The following CENPW variants were observed in gnomAD, a reference collection of about 807,000 sequenced individuals.
CENPW encodes the protein centromere protein W.
CENPW carries 3 observed loss-of-function variants against 11.1 expected under a neutral mutation model. The ratio of observed to expected loss-of-function variants is 0.27; its 90% CI spans 0.12 to 0.70. The LOEUF (loss-of-function observed/expected upper bound fraction) is 0.70. CENPW is among the 30% of genes least tolerant of loss of function. The probability of loss-of-function intolerance (pLI) is 0.77; values close to 1 mark genes in which losing one functional copy is unlikely to be tolerated. For missense variants in CENPW, 100 were observed against 105.6 expected (o/e 0.95, Z 0.23); for synonymous variants, 38 against 42.0 (o/e 0.91, Z 0.37).
chr6:126,411,865 T>C, the CENPW span, among the ~76,000 whole-genome samples: 2 of 151,928 alleles, frequency 1.3e-5, no homozygotes, highest in Non-Finnish European at 2.9e-5. Flanking sequence ...CCTTCCTTCC[T>C]TTTTTCCTTC....
the CENPW span, among the ~76,000 whole-genome samples, chr6:126,378,954 AG>A: frequency 6.6e-6 from 1 of 152,256 alleles, no homozygotes; most frequent in East Asian, 1.9e-4. Context: ...TATTGCATAT[AG>A]GAAAAATATT....
At chr6:126,427,483 TG>T in the CENPW span, among the ~76,000 whole-genome samples, 5 of 152,288 alleles carry the variant, frequency 3.3e-5, no homozygotes, top group Admixed American at 1.3e-4. Flanking sequence ...CAGTTTACTG[TG>T]TATTAAAAGC....
At chr6:126,387,787 C>T in the CENPW span, among the ~76,000 whole-genome samples, 3 of 151,890 alleles carry the variant, frequency 2.0e-5, no homozygotes, top group South Asian at 6.2e-4. Context: ...TAGACTTGAT[C>T]AAGAATGATA....
chr6:126,436,707 T>A, the CENPW span, among the ~76,000 whole-genome samples: 2 of 151,896 alleles, frequency 1.3e-5, no homozygotes, highest in Non-Finnish European at 2.9e-5. Context: ...TTTTTAATAA[T>A]ATCTAATCAT....
the CENPW span, among the ~76,000 whole-genome samples, chr6:126,417,127 G>T: frequency 6.6e-6 from 1 of 152,192 alleles, no homozygotes; most frequent in South Asian, 2.1e-4. Flanking sequence ...TGACCTGGAT[G>T]TGAGTCATGA....
At chr6:126,384,360 G>T in the CENPW span, among the ~76,000 whole-genome samples, 1 of 151,936 alleles carries the variant, frequency 6.6e-6, no homozygotes, top group South Asian at 2.1e-4. Context: ...GAGGCACCAT[G>T]ATCCCCAATC....
chr6:126,365,451 C>G, the CENPW span, among the ~76,000 whole-genome samples: 1 of 151,980 alleles, frequency 6.6e-6, no homozygotes, highest in Non-Finnish European at 1.5e-5. Flanking sequence ...TCTTATATGA[C>G]CAGTGGGAAG....
At chr6:126,403,122 G>A in the CENPW span, among the ~76,000 whole-genome samples, 1 of 151,980 alleles carries the variant, frequency 6.6e-6, no homozygotes, top group Non-Finnish European at 1.5e-5. Context: ...TAATAAATAC[G>A]TTTTGACTGC....
the CENPW span, among the ~76,000 whole-genome samples, chr6:126,428,611 A>G: frequency 3.9e-5 from 6 of 152,324 alleles, no homozygotes; most frequent in Admixed American, 2.0e-4. Flanking sequence ...GATTGAGAAA[A>G]TGAAGGAAGA....
chr6:126,471,381 TC>T, the CENPW span, among the ~76,000 whole-genome samples: 1,090 of 152,242 alleles, frequency 7.2e-3, 10 homozygotes, highest in African/African-American at 0.025. Flanking sequence ...TCTTGAAGCC[TC>T]CCCAGCCATG....
the CENPW span, among the ~76,000 whole-genome samples, chr6:126,416,941 C>A: frequency 6.6e-6 from 1 of 152,154 alleles, no homozygotes; most frequent in East Asian, 1.9e-4. Flanking sequence ...GAGAAGAAGA[C>A]CACCATCTTC....
the CENPW span, among the ~76,000 whole-genome samples, chr6:126,366,507 A>G: frequency 1.3e-5 from 2 of 152,242 alleles, no homozygotes; most frequent in Non-Finnish European, 2.9e-5. Context: ...TGGACTAAGT[A>G]TTAATGAACC....
the CENPW span, among the ~76,000 whole-genome samples, chr6:126,392,603 A>G: frequency 6.6e-6 from 1 of 151,888 alleles, no homozygotes; most frequent in African/African-American, 2.4e-5. Context: ...ATGATGTATC[A>G]CATTGATTTG....
At chr6:126,407,144 T>G in the CENPW span, among the ~76,000 whole-genome samples, 1 of 152,162 alleles carries the variant, frequency 6.6e-6, no homozygotes, top group Non-Finnish European at 1.5e-5. Flanking sequence ...CTGTGTTTTC[T>G]CATTGGTCAT....
rs1234914536 is a variant in CENPW at position 126,346,250 on chromosome 6, T to G, written c.172T>G (p.Ser58Ala). Residue 58 changes from serine (S) to alanine (A), a missense_variant, in exon 2 of 3, where the codon TCC becomes GCC. Transcript: ENST00000368328. The part of the protein sequence containing the change: ...LLFVHRLAEE[S>A]RTNACASKCR... Reference sequence around the variant, plus strand: ...GTTTGTTCATCGATTAGCAGAAGAGTCCAGGACAAACGCTTGTGCGAGTAA... The same window carrying G: ...GTTTGTTCATCGATTAGCAGAAGAGGCCAGGACAAACGCTTGTGCGAGTAA... 1 of 1,608,666 alleles carries G rather than the reference T, an allele frequency of 6.2e-7. No homozygotes were observed. The highest frequency in any genetic ancestry group is 1.7e-5 in the Admixed American group (1 of 59,888).
chr6:126,423,659 G>A, the CENPW span, among the ~76,000 whole-genome samples: 4 of 151,846 alleles, frequency 2.6e-5, no homozygotes, highest in African/African-American at 9.7e-5. Flanking sequence ...TGGGGGTGGG[G>A]CGGGGAATAT....
chr6:126,481,270 T>A, the CENPW span, among the ~76,000 whole-genome samples: 1 of 152,098 alleles, frequency 6.6e-6, no homozygotes, highest in Non-Finnish European at 1.5e-5. Context: ...TGGATATAAC[T>A]AAGCAATTTT....
chr6:126,394,825 A>G, the CENPW span, among the ~76,000 whole-genome samples: 1 of 151,270 alleles, frequency 6.6e-6, no homozygotes, highest in Non-Finnish European at 1.5e-5. Flanking sequence ...AACCAGATAT[A>G]CTATTCTATA....
At chr6:126,389,600 G>A in the CENPW span, among the ~76,000 whole-genome samples, 1 of 151,468 alleles carries the variant, frequency 6.6e-6, no homozygotes, top group Non-Finnish European at 1.5e-5. Flanking sequence ...TTTACTTTTT[G>A]AGTTCCATAA....
Sources: allele counts gnomAD v4.1 joint callset (sites outside exome capture counted in the v4.1 genomes callset), GRCh38; gene constraint gnomAD v4.1.1; transcripts MANE v1.5; gene names NCBI Gene and HGNC (gene_info 2026-07-23, HGNC 2026-07-21).